Variants in MTHFD1 observed in about 807,000 individuals in gnomAD.
The protein encoded by MTHFD1 is methylenetetrahydrofolate dehydrogenase, cyclohydrolase and formyltetrahydrofolate synthetase 1.
Under a neutral mutation model 110.3 loss-of-function variants are expected in MTHFD1, and 44 were observed. That is an observed-to-expected ratio of 0.40 (90% CI 0.31 to 0.51). The LOEUF (loss-of-function observed/expected upper bound fraction) is 0.51. MTHFD1 is among the 20% of genes least tolerant of loss of function. The pLI is 0.60. For missense variants in MTHFD1, 909 were observed against 1,173.1 expected (o/e 0.77, Z 3.29); for synonymous variants, 402 against 428.8 (o/e 0.94, Z 0.77).
intron 16 of MTHFD1, among the ~76,000 whole-genome samples, chr14:64,437,969 G>A (rs963885446): frequency 6.6e-6 from 1 of 152,118 alleles, no homozygotes; most frequent in African/African-American, 2.4e-5. Flanking sequence ...TGCTTCCCGG[G>A]TTCAAGCGAT....
At chr14:64,395,248 C>T (rs913536564) in intron 1 of MTHFD1, among the ~76,000 whole-genome samples, 1 of 152,250 alleles carries the variant, frequency 6.6e-6, no homozygotes, top group Admixed American at 6.5e-5. Flanking sequence ...CTTCTCAACA[C>T]ATTTATTACT....
intron 5 of MTHFD1, 27 bp from the exon 6 acceptor site, chr14:64,415,612 C>T (rs1416536930): frequency 6.2e-7 from 1 of 1,612,684 alleles, no homozygotes; most frequent in South Asian, 1.1e-5. Context: ...GCCTTTATTT[C>T]CTTCTTATTT....
chr14:64,407,921 A>G (rs867586644), intron 2 of MTHFD1, among the ~76,000 whole-genome samples: 27 of 152,300 alleles, frequency 1.8e-4, no homozygotes, highest in Admixed American at 3.9e-4. Flanking sequence ...CAGTCCTCAC[A>G]AAATACATGG....
chr14:64,458,218 G>C lies in MTHFD1; in HGVS notation c.2723G>C (p.Ser908Thr). 1 of 1,608,856 alleles carries C rather than the reference G, an allele frequency of 6.2e-7. No homozygotes were observed. The highest frequency in any genetic ancestry group is 8.5e-7 in the Non-Finnish European group (1 of 1,175,206). ...GFLYPLVGTMSTMPGLPTRPC... is the reference protein window; with the variant it reads ...GFLYPLVGTMTTMPGLPTRPC... ...TAATGCTTTTTTACATCCTAGATGA[G>C]CACAATGCCTGGACTCCCCACCCGG... The change falls in exon 27 of 28, where the codon AGC becomes ACC. Residue 908 changes from serine (S) to threonine (T), a missense_variant. By Grantham distance (58) the Ser-to-Thr change is moderately conservative. Coordinates refer to ENST00000652337, the MANE Select transcript of MTHFD1 (RefSeq NM_005956.4).
intron 2 of MTHFD1, among the ~76,000 whole-genome samples, chr14:64,408,505 T>C (rs2077956222): frequency 6.6e-6 from 1 of 152,168 alleles, no homozygotes; most frequent in Non-Finnish European, 1.5e-5. Context: ...GCCAGGCTAG[T>C]CTCGAACTCC....
chr14:64,407,042 A>G (rs1179475063), intron 2 of MTHFD1, among the ~76,000 whole-genome samples: 1 of 152,190 alleles, frequency 6.6e-6, no homozygotes, highest in African/African-American at 2.4e-5. Flanking sequence ...AATGCATTCA[A>G]GAACATTCAT....
chr14:64,448,869 C>T (rs2078323599), intron 23 of MTHFD1, among the ~76,000 whole-genome samples: 2 of 151,832 alleles, frequency 1.3e-5, no homozygotes, highest in Admixed American at 6.6e-5. Context: ...GCACGATCTC[C>T]ACTCGCTGCA....
chr14:64,456,165 C>G (rs1458131354), intron 26 of MTHFD1, among the ~76,000 whole-genome samples: 1 of 152,164 alleles, frequency 6.6e-6, no homozygotes, highest in Non-Finnish European at 1.5e-5. Flanking sequence ...AGCAGTCAGG[C>G]CAGTGAGAGT....
At position 64,419,847 on chromosome 14, in the gene MTHFD1, G is replaced by C; in HGVS notation, c.649G>C (p.Gly217Arg). The change falls in exon 8 of 28, where the codon GGT becomes CGT. Residue 217 changes from glycine to arginine, a missense_variant. Gly to Arg is a moderately radical substitution (Grantham distance 125). This residue lies in a region of MTHFD1 where 424 missense variants were observed against 510.4 expected (regional missense o/e 0.83). Coordinates refer to ENST00000652337, the MANE Select transcript of MTHFD1 (RefSeq NM_005956.4). ...AGGTGACATCCTGGTGGTTGCAACT[G>C]GTCAGCCTGAAATGGTTAAAGGGGA... ...NKGDILVVAT[G>R]QPEMVKGEWI... The C allele has an allele frequency of 6.2e-7, 1 of 1,614,064 alleles. No homozygotes were observed. Among genetic ancestry groups the C allele is most frequent in the Non-Finnish European group, 8.5e-7 (1 of 1,179,958 alleles).
In MTHFD1 at chr14:64,439,158, G is replaced by A. The variant is rs1329836012; in HGVS notation, c.1660G>A (p.Gly554Ser). 2 of 1,613,690 alleles carry A rather than the reference G, an allele frequency of 1.2e-6. No homozygotes were observed. The highest frequency in any genetic ancestry group is 2.2e-5 in the East Asian group (1 of 44,874). Residue 554 changes from glycine (G) to serine (S), a missense_variant, in exon 17 of 28, where the codon GGT (glycine) becomes AGT (serine). Physicochemically the swap from Gly to Ser is moderately conservative, Grantham distance 56 (BLOSUM62 0). Transcript: ENST00000652337. ...GATTGGACAGGCTCCAACGGAGAAG[G>A]GTCACACACGGACGGTAACAATTTG... ...ITIGQAPTEK[G>S]HTRTAQFDIS...
rs772924041 is a variant in MTHFD1, at chr14:64,426,149, C to T, written c.1084C>T (p.Arg362Cys). ...KAKVLLSALE[R>C]LKHRPDGKYV... ...CAAAGTTCTGCTGTCAGCACTAGAACGCCTGAAGCACCGGCCTGATGGGAA... is the reference window on the plus strand; with the variant it reads ...CAAAGTTCTGCTGTCAGCACTAGAATGCCTGAAGCACCGGCCTGATGGGAA... Residue 362 changes from arginine to cysteine, a missense_variant, in exon 11 of 28, where the codon CGC (arginine) becomes TGC (cysteine). Arg to Cys is a radical substitution (Grantham distance 180). Around this residue, in one of 3 missense-constraint regions of MTHFD1, gnomAD observed 424 missense variants for 510.4 expected, o/e 0.83. Coordinates refer to ENST00000652337, the MANE Select transcript of MTHFD1 (RefSeq NM_005956.4). The T allele has an allele frequency of 6.2e-6, 10 of 1,613,978 alleles. No homozygotes were observed. The highest frequency in any genetic ancestry group is 4.5e-5 in the East Asian group (2 of 44,896).
intron 22 of MTHFD1, among the ~76,000 whole-genome samples, chr14:64,447,827 A>G (rs1179166166): frequency 6.6e-6 from 1 of 152,190 alleles, no homozygotes; most frequent in Non-Finnish European, 1.5e-5. Context: ...GTTAATTTGT[A>G]TTATCATAAC....
chr14:64,459,904 T>A lies in MTHFD1; in HGVS notation c.*150T>A. On this transcript the variant is annotated 3_prime_UTR_variant, in exon 28 of 28. Coordinates refer to ENST00000652337, the MANE Select transcript of MTHFD1 (RefSeq NM_005956.4). ...CTAATAGTAGGAGTTTCCCCAGAAG[T>A]CATTTTCAGCCTTAATTCTCATCAT... The A allele has an allele frequency of 1.3e-6, 2 of 1,535,978 alleles. No individual in the cohort carries two copies. The highest frequency in any genetic ancestry group is 1.7e-6 in the Non-Finnish European group (2 of 1,146,818).
intron 25 of MTHFD1, 80 bp from the exon 26 acceptor site, chr14:64,454,643 A>G (rs2078435481): frequency 1.9e-5 from 22 of 1,144,534 alleles, no homozygotes; most frequent in Non-Finnish European, 2.4e-5. Flanking sequence ...TGAAGAATCC[A>G]TGTAATCACA....
At chr14:64,442,631 C>T (rs955795582) in intron 21 of MTHFD1, among the ~76,000 whole-genome samples, 2 of 152,166 alleles carry the variant, frequency 1.3e-5, no homozygotes, top group Non-Finnish European at 2.9e-5. Flanking sequence ...GCCTACCTTT[C>T]GGAGGACATC....
chr14:64,453,788 A>G lies in MTHFD1; in HGVS notation c.2492A>G (p.Gln831Arg), dbSNP rs1356785998. The G allele has an allele frequency of 6.2e-7, 1 of 1,612,946 alleles. No individual in the cohort carries two copies. The highest frequency in any genetic ancestry group is 1.7e-5 in the Admixed American group (1 of 60,020). ...GAGGATAAAATCAGGATCATTGCAC[A>G]GAAGATCTATGGAGCAGATGACATT... ...PVEDKIRIIA[Q>R]KIYGADDIEL... Residue 831 changes from glutamine to arginine, a missense_variant, in exon 25 of 28, where the codon CAG becomes CGG. Physicochemically the swap from Gln to Arg is conservative, Grantham distance 43. Transcript: ENST00000652337.
intron 23 of MTHFD1, 27 bp from the exon 24 acceptor site, chr14:64,449,418 C>T (rs1566575634): frequency 6.2e-7 from 1 of 1,611,230 alleles, no homozygotes; most frequent in South Asian, 1.1e-5. Context: ...ATTTTCCATG[C>T]TTTGATATGA....
At position 64,388,391 on chromosome 14, in the gene MTHFD1, G is replaced by A. The variant is rs560472840; in HGVS notation, c.-37G>A. The stretch of plus-strand genomic sequence containing the variant: ...GCGGAGGGAGTGGAACCTCGATATT[G>A]GTGGTGTCCATCGTGGGCAGCGGAC... On this transcript the variant is annotated 5_prime_UTR_variant, in exon 1 of 28. Coordinates refer to ENST00000652337, the MANE Select transcript of MTHFD1 (RefSeq NM_005956.4). 1.2e-5 allele frequency: 19 copies of A among 1,614,220 alleles called. No individual in the cohort carries two copies. In the South Asian group the frequency reaches 1.3e-4, roughly 11 times the overall value.
chr14:64,453,729 T>C, intron 24 of MTHFD1, 25 bp from the exon 25 acceptor site: 3 of 1,358,938 alleles, frequency 2.2e-6, no homozygotes, highest in Non-Finnish European at 3.2e-6. Context: ...AGTCATGGTG[T>C]CCCCATCTCT....
Sources: gnomAD v4.1 joint callset for allele counts (sites outside exome capture counted in the v4.1 genomes callset) on GRCh38, gnomAD v4.1.1 for gene constraint, gnomAD v4.1.1 regional missense constraint, MANE v1.5 for transcripts, NCBI Gene and HGNC (gene_info 2026-07-23, HGNC 2026-07-21) for gene names.